Variants in LATS1 observed in about 807,000 individuals in gnomAD.
LATS1 encodes the protein serine/threonine-protein kinase LATS1.
A neutral mutation model predicts 106.6 loss-of-function variants in LATS1; 25 were observed. The observed-to-expected ratio is 0.23, with a 90% confidence interval of 0.17 to 0.33. The LOEUF (loss-of-function observed/expected upper bound fraction) is 0.33, where lower values mean the gene tolerates loss of function less well. Ranked by LOEUF, LATS1 falls within the 10% of genes least tolerant of loss-of-function variation. The probability of loss-of-function intolerance (pLI) is 1.00; values close to 1 mark genes in which losing one functional copy is unlikely to be tolerated. For missense variants in LATS1, 1,040 were observed against 1,382.6 expected (o/e 0.75, Z 3.93); for synonymous variants, 465 against 455.6 (o/e 1.02, Z -0.26).
intron 2 of LATS1, among the ~76,000 whole-genome samples, chr6:149,696,866 A>G (rs560637640): frequency 1.2e-4 from 19 of 152,292 alleles, no homozygotes; most frequent in African/African-American, 3.4e-4. Context: ...CTGGCAAATT[A>G]TTTCACATTT....
intron 1 of LATS1, among the ~76,000 whole-genome samples, chr6:149,706,108 G>A (rs1459352878): frequency 2.1e-5 from 3 of 143,362 alleles, no homozygotes; most frequent in South Asian, 2.2e-4. Flanking sequence ...GCTTGAACCC[G>A]GGAGGTGGAG....
chr6:149,702,173 T>C lies in LATS1; in HGVS notation c.-47A>G. The C allele has an allele frequency of 7.9e-7, 1 of 1,269,822 alleles. No homozygotes were observed. The highest frequency in any genetic ancestry group is 1.5e-5 in the African/African-American group (1 of 66,982). The allele number at this position is 1,269,822 out of a possible 1,614,324, so 78.7% of individuals were successfully genotyped here. A position where few individuals can be genotyped will look rare whatever the true frequency, so the allele number is the denominator to read the frequency against. ...CCACACGAAGGACTTCTTTATTTGA[T>C]AGATCCAGAGCTTTCTTCTGAGCAA... On this transcript the variant is annotated 5_prime_UTR_variant, in exon 2 of 8. Transcript: ENST00000543571.
chr6:149,692,718 AG>A (rs1444434217), intron 3 of LATS1, among the ~76,000 whole-genome samples: 1 of 148,104 alleles, frequency 6.8e-6, no homozygotes, highest in African/African-American at 2.5e-5. Flanking sequence ...CTTGTTGCCC[AG>A]GCTGGAGTGC....
intron 1 of LATS1, among the ~76,000 whole-genome samples, chr6:149,709,326 G>A (rs1489033643): frequency 6.6e-6 from 1 of 152,148 alleles, no homozygotes; most frequent in Non-Finnish European, 1.5e-5. Context: ...CTCTAGCATA[G>A]TATCACATGA....
chr6:149,671,165 C>G (rs180903257), intron 7 of LATS1, among the ~76,000 whole-genome samples: 13 of 151,902 alleles, frequency 8.6e-5, no homozygotes, highest in Non-Finnish European at 1.5e-4. Flanking sequence ...CAGAGTCTCG[C>G]TCTGTCATCC....
At chr6:149,715,154 C>T (rs1260852003) in intron 1 of LATS1, among the ~76,000 whole-genome samples, 1 of 152,042 alleles carries the variant, frequency 6.6e-6, no homozygotes, top group Non-Finnish European at 1.5e-5. Flanking sequence ...CTGCAACCTC[C>T]GTCTCTCGGG....
intron 3 of LATS1, among the ~76,000 whole-genome samples, chr6:149,691,944 C>T (rs968186529): frequency 2.6e-5 from 4 of 152,122 alleles, no homozygotes; most frequent in Non-Finnish European, 4.4e-5. Flanking sequence ...TAATCTATTA[C>T]CAAGTCCTTG....
At chr6:149,707,395 C>A (rs1382056523) in intron 1 of LATS1, among the ~76,000 whole-genome samples, 1 of 152,108 alleles carries the variant, frequency 6.6e-6, no homozygotes, top group African/African-American at 2.4e-5. Context: ...AATCCCAATA[C>A]TTTCAGAGGC....
At chr6:149,697,893 C>T (rs183807146) in intron 2 of LATS1, among the ~76,000 whole-genome samples, 75 of 152,226 alleles carry the variant, frequency 4.9e-4, no homozygotes, top group African/African-American at 1.6e-3. Flanking sequence ...CCCAAAAACA[C>T]GCCTGGCTAA....
intron 7 of LATS1, among the ~76,000 whole-genome samples, chr6:149,673,918 A>C (rs914101006): frequency 6.6e-6 from 1 of 151,230 alleles, no homozygotes; most frequent in Non-Finnish European, 1.5e-5. Context: ...CAGGTGATCC[A>C]CCCGCCTCAG....
chr6:149,663,086 T>C lies in LATS1; in HGVS notation c.2884-848A>G, dbSNP rs182275680. Among the ~76,000 whole-genome samples, 147 of 152,234 alleles carry C rather than the reference T, an allele frequency of 9.7e-4. 1 individual carries two copies. The highest frequency in any genetic ancestry group is 9.6e-3 in the Admixed American group (146 of 15,286). On this transcript the variant is annotated intron_variant, in intron 7 of 7. Transcript: ENST00000543571. ...TACCTAGTCTCTCCCGCTGAACTCTTGGAGGCAGGGGAATTGGTATACAAC... is the reference window on the plus strand; with the variant it reads ...TACCTAGTCTCTCCCGCTGAACTCTCGGAGGCAGGGGAATTGGTATACAAC...
rs1377949160 is a variant in LATS1 at position 149,658,608 on chromosome 6, C to G, written c.*3121G>C. 1.3e-5 allele frequency: 2 copies of G among 152,338 alleles called. No individual in the cohort carries two copies. Among genetic ancestry groups the G allele is most frequent in the Non-Finnish European group, 2.9e-5 (2 of 68,020 alleles). 9.4% of individuals were successfully genotyped at this position (152,338 alleles called of 1,614,324 possible). On this transcript the variant is annotated 3_prime_UTR_variant, in exon 8 of 8. Transcript: ENST00000543571. ...GCAGCAATGTCTAAAAATCCTCCCACTGTATTCTCTAATTTCTAACACATT... is the reference window on the plus strand; with the variant it reads ...GCAGCAATGTCTAAAAATCCTCCCAGTGTATTCTCTAATTTCTAACACATT...
intron 3 of LATS1, among the ~76,000 whole-genome samples, chr6:149,691,697 ATTATT>A (rs1327097852): frequency 2.0e-5 from 3 of 151,910 alleles, no homozygotes; most frequent in African/African-American, 7.3e-5. Flanking sequence ...AGGCCATCTT[ATTATT>A]TTGTCTATGT....
Position 149,659,552 on chromosome 6 carries a change from G to A in LATS1, c.*2177C>T. 4.3e-6 allele frequency: 1 copy of A among 230,662 alleles called. No individual in the cohort carries two copies. Among genetic ancestry groups the A allele is most frequent in the East Asian group, 6.2e-5 (1 of 16,252 alleles). 14.3% of individuals were successfully genotyped at this position (230,662 alleles called of 1,614,324 possible). A position where few individuals can be genotyped will look rare whatever the true frequency, so the allele number is the denominator to read the frequency against. On this transcript the variant is annotated 3_prime_UTR_variant, in exon 8 of 8. Coordinates refer to ENST00000543571, the MANE Select transcript of LATS1 (RefSeq NM_004690.4). ...AGATTTTGTGGGAAGGGAAGGGGGA[G>A]GAGACAGCACCTTAGTTTTCCTACA...
chr6:149,662,201 T>C lies in LATS1; in HGVS notation c.2921A>G (p.Gln974Arg), dbSNP rs1285181470. The C allele has an allele frequency of 1.2e-6, 2 of 1,612,078 alleles. No homozygotes were observed. Among genetic ancestry groups the C allele is most frequent in the East Asian group, 4.5e-5 (2 of 44,872 alleles). Residue 974 changes from glutamine to arginine, a missense_variant, in exon 8 of 8, where the codon CAA (glutamine) becomes CGA (arginine). Gln to Arg is a conservative substitution (Grantham distance 43). Around this residue, in one of 7 missense-constraint regions of LATS1, gnomAD observed 113 missense variants for 146.3 expected, o/e 0.77. Transcript: ENST00000543571. ...NWQTSLHIPPQAKLSPEASDL... is the reference protein window; with the variant it reads ...NWQTSLHIPPRAKLSPEASDL... ...AGAAGCTTCAGGACTGAGTTTAGCTTGTGGTGGAATGTGAAGAGATGTTTG... is the reference window on the plus strand; with the variant it reads ...AGAAGCTTCAGGACTGAGTTTAGCTCGTGGTGGAATGTGAAGAGATGTTTG...
At chr6:149,687,866 C>T (rs1312899667) in intron 3 of LATS1, among the ~76,000 whole-genome samples, 1 of 151,150 alleles carries the variant, frequency 6.6e-6, no homozygotes, top group Non-Finnish European at 1.5e-5. Flanking sequence ...CCGTACTTGA[C>T]CCTCCTCTTT....
intron 3 of LATS1, among the ~76,000 whole-genome samples, chr6:149,686,180 A>G (rs1179490207): frequency 6.6e-6 from 1 of 152,224 alleles, no homozygotes; most frequent in African/African-American, 2.4e-5. Flanking sequence ...GTAAATGTTC[A>G]TAATGTTCAG....
intron 7 of LATS1, among the ~76,000 whole-genome samples, chr6:149,671,254 C>T (rs530443079): frequency 1.3e-5 from 2 of 151,960 alleles, no homozygotes; most frequent in East Asian, 3.9e-4. Context: ...CTGCCTCAGG[C>T]TCCCAAGTAG....
intron 3 of LATS1, among the ~76,000 whole-genome samples, chr6:149,693,462 T>C (rs943493995): frequency 2.0e-5 from 3 of 150,734 alleles, no homozygotes; most frequent in Non-Finnish European, 4.4e-5. Context: ...ATACAAAAAT[T>C]AGCTGGGCAC....
Sources: allele counts gnomAD v4.1 joint callset (sites outside exome capture counted in the v4.1 genomes callset), GRCh38; gene constraint gnomAD v4.1.1; regional missense constraint gnomAD v4.1.1; transcripts MANE v1.5; gene names NCBI Gene and HGNC (gene_info 2026-07-23, HGNC 2026-07-21).